TP73: variants seen among roughly 807,000 people sequenced by gnomAD.
The protein encoded by TP73 is tumor protein p73, also known as p53-like transcription factor.
TP73 carries 25 observed loss-of-function variants against 62.5 expected under a neutral mutation model. The observed-to-expected ratio is 0.40, with a 90% CI of 0.29 to 0.56. The LOEUF (loss-of-function observed/expected upper bound fraction) is 0.56. Among genes scored for constraint, TP73 ranks in the 20% least tolerant of loss-of-function variants. The pLI, the probability that TP73 is intolerant of heterozygous loss-of-function variation, is 0.46. For synonymous variants in TP73, 423 were observed against 377.5 expected (o/e 1.12, Z -1.40); for missense variants, 754 against 913.3 (o/e 0.83, Z 2.25).
chr1:3,671,857 C>G (rs774357831), intron 1 of TP73, among the ~76,000 whole-genome samples: 1 of 152,090 alleles, frequency 6.6e-6, no homozygotes, highest in Non-Finnish European at 1.5e-5. Context: ...GGTGGACCCC[C>G]GTGATCGCTG....
rs544764255 is a variant in TP73 at position 3,730,301 on chromosome 1, G to A, written c.1345+153G>A. Among the ~76,000 whole-genome samples the A allele has an allele frequency of 2.0e-5, 3 of 152,350 alleles. No homozygotes were observed. In the East Asian group the frequency reaches 5.8e-4, roughly 29 times the overall value. On this transcript the variant is annotated intron_variant, in intron 11 of 13. Transcript: ENST00000378295. ...TTCCACCCTCTGGGCAGGAGGCGCA[G>A]CCACGGATAGCCCTCTCTGCCCACT...
chr1:3,679,437 G>A (rs1645456342), intron 1 of TP73, among the ~76,000 whole-genome samples: 1 of 152,016 alleles, frequency 6.6e-6, no homozygotes, highest in African/African-American at 2.4e-5. Context: ...CTTTCCCTCT[G>A]TTTCTCTGTC....
chr1:3,721,362 C>A (rs1381552212), intron 4 of TP73, among the ~76,000 whole-genome samples: 1 of 152,210 alleles, frequency 6.6e-6, no homozygotes, highest in Admixed American at 6.5e-5. Context: ...CCCAGAGGGG[C>A]CCCCAGAGTG....
intron 4 of TP73, among the ~76,000 whole-genome samples, chr1:3,709,344 C>T (rs72846536): frequency 1.3e-5 from 2 of 152,172 alleles, no homozygotes; most frequent in Non-Finnish European, 2.9e-5. Context: ...CAGGCAATGC[C>T]GACCCCAGTG....
chr1:3,663,190 G>T lies in TP73; in HGVS notation c.-34+10549G>T, dbSNP rs1418722176. ...GGGGCCTCTCTTCTTCACGAGGCTGGTGGCTGCGGCACCTACAAAGACAGG... is the reference window on the plus strand; with the variant it reads ...GGGGCCTCTCTTCTTCACGAGGCTGTTGGCTGCGGCACCTACAAAGACAGG... On this transcript the variant is annotated intron_variant, in intron 1 of 13. Coordinates refer to ENST00000378295, the MANE Select transcript of TP73 (RefSeq NM_005427.4). The surrounding 1 kb of genome is among the most constrained non-coding windows in gnomAD (Gnocchi z 4.7). 6.6e-6 allele frequency among the ~76,000 whole-genome samples: 1 copy of T among 152,174 alleles called. No homozygotes were observed. Among genetic ancestry groups the T allele is most frequent in the Admixed American group, 6.5e-5 (1 of 15,278 alleles).
chr1:3,698,122 G>A lies in TP73; in HGVS notation c.187-9427G>A, dbSNP rs182500276. 1,018 of 985,620 alleles carry A rather than the reference G, an allele frequency of 1.0e-3. 14 individuals are homozygous for A. The African/African-American group carries it at 0.016, about 16-fold the overall frequency. The allele number at this position is 985,620 out of a possible 1,614,324, so 61.1% of individuals were successfully genotyped here. The stretch of plus-strand genomic sequence containing the variant: ...TCCAGCACAGCAGGAGGCTGTTACA[G>A]GTGGCGCCTGATTCACATCTGCAGG... On this transcript the variant is annotated intron_variant, in intron 3 of 13. Transcript: ENST00000378295.
Position 3,701,456 on chromosome 1 carries a change from T to G in TP73, c.187-6093T>G, listed in dbSNP as rs1010949793. Among the ~76,000 whole-genome samples the G allele has an allele frequency of 2.0e-5, 3 of 152,112 alleles. No individual in the cohort carries two copies. The highest frequency in any genetic ancestry group is 4.8e-5 in the African/African-American group (2 of 41,410). ...CGATGAAGTCTCAGGTTACCATACTTCTGGACCCTCTTGATCCCCACAACC... is the reference window on the plus strand; with the variant it reads ...CGATGAAGTCTCAGGTTACCATACTGCTGGACCCTCTTGATCCCCACAACC... On this transcript the variant is annotated intron_variant, in intron 3 of 13. Transcript: ENST00000378295. This position sits in a 1 kb window ranked among gnomAD's most constrained non-coding sequence, Gnocchi z 4.7.
At chr1:3,694,881 CTGCAA>C (rs1638478365) in intron 3 of TP73, among the ~76,000 whole-genome samples, 1 of 148,734 alleles carries the variant, frequency 6.7e-6, no homozygotes, top group African/African-American at 2.5e-5. Context: ...GCCCCTCCTC[CTGCAA>C]TCCCACCCAT....
chr1:3,690,961 A>G (rs1645805949), intron 3 of TP73: 1 of 1,573,662 alleles, frequency 6.4e-7, no homozygotes, highest in East Asian at 2.4e-5. Flanking sequence ...GTGACGCGCC[A>G]TTCATAGGAT....
chr1:3,731,034 C>A lies in TP73; in HGVS notation c.1453C>A (p.Pro485Thr), dbSNP rs1202475331. ...CTCGGGGTCCCACTGCACTCCGCCA[C>A]CCCCCTACCACGCCGACCCCAGCCT... ...MVSGSHCTPPPPYHADPSLVS... is the reference protein window; with the variant it reads ...MVSGSHCTPPTPYHADPSLVS... Residue 485 changes from proline to threonine, a missense_variant, in exon 12 of 14, where the codon CCC (proline) becomes ACC (threonine). Pro to Thr is a conservative substitution (Grantham distance 38). Transcript: ENST00000378295. The A allele has an allele frequency of 2.5e-6, 4 of 1,612,118 alleles. No homozygotes were observed. The highest frequency in any genetic ancestry group is 2.7e-5 in the African/African-American group (2 of 75,022).
intron 1 of TP73, among the ~76,000 whole-genome samples, chr1:3,678,696 C>G (rs1172184406): frequency 6.6e-6 from 1 of 152,224 alleles, no homozygotes; most frequent in Admixed American, 6.5e-5. Context: ...AGTGGCAAGG[C>G]TGGCCCTCAT....
At chr1:3,654,602 T>C (rs72857321) in intron 1 of TP73, among the ~76,000 whole-genome samples, 9,877 of 152,262 alleles carry the variant, frequency 0.065, 1,015 homozygotes, top group African/African-American at 0.22. Flanking sequence ...TCCGAAGGGC[T>C]TGGGAGAGTG....
rs77976081 is a variant in TP73 at position 3,715,820 on chromosome 1, C to T, written c.430-6201C>T. 9.3e-3 allele frequency among the ~76,000 whole-genome samples: 1,413 copies of T among 152,344 alleles called. 28 individuals carry two copies. The highest frequency in any genetic ancestry group is 0.033 in the African/African-American group (1,361 of 41,566). On this transcript the variant is annotated intron_variant, in intron 4 of 13. Coordinates refer to ENST00000378295, the MANE Select transcript of TP73 (RefSeq NM_005427.4). Reference sequence around the variant, plus strand: ...TCACTATGCACTGGAGACAAAGCCACCAAGTCTATCCTGGGCTCAGCACAT... The same window carrying T: ...TCACTATGCACTGGAGACAAAGCCATCAAGTCTATCCTGGGCTCAGCACAT...
chr1:3,727,206 T>C lies in TP73; in HGVS notation c.824T>C (p.Ile275Thr), dbSNP rs1240094541. 1 of 1,612,072 alleles carries C rather than the reference T, an allele frequency of 6.2e-7. No individual in the cohort carries two copies. The highest frequency in any genetic ancestry group is 1.1e-5 in the South Asian group (1 of 91,066). ...GMNRRPILIIITLEMRDGQVL... is the reference protein window; with the variant it reads ...GMNRRPILIITTLEMRDGQVL... ...AACCGGCGGCCCATCCTCATCATCA[T>C]CACCCTGGAGATGCGGGAGTGAGTC... The change falls in exon 7 of 14, where the codon ATC (isoleucine) becomes ACC (threonine). Residue 275 changes from isoleucine (I) to threonine (T), a missense_variant. This residue lies in a region of TP73 where 458 missense variants were observed against 528.7 expected (regional missense o/e 0.87). Transcript: ENST00000378295.
At chr1:3,698,783 C>T (rs1480948747) in intron 3 of TP73, among the ~76,000 whole-genome samples, 1 of 152,186 alleles carries the variant, frequency 6.6e-6, no homozygotes, top group African/African-American at 2.4e-5. Context: ...CTGAAGTCAC[C>T]TGGGCGTGTG....
At chr1:3,680,977 T>G (rs913718772) in intron 1 of TP73, among the ~76,000 whole-genome samples, 1 of 152,232 alleles carries the variant, frequency 6.6e-6, no homozygotes, top group African/African-American at 2.4e-5. Flanking sequence ...ACTTAACCCC[T>G]CTGAGCCTTG....
At chr1:3,682,568 C>A in intron 2 of TP73, 138 bp downstream of exon 2, 1 of 834,080 alleles carries the variant, frequency 1.2e-6, no homozygotes, top group Non-Finnish European at 1.7e-6. Context: ...CCCAGCCACC[C>A]TCACTGAGAC....
Position 3,663,220 on chromosome 1 carries a change from C to T in TP73, c.-34+10579C>T, listed in dbSNP as rs1433012787. Among the ~76,000 whole-genome samples the T allele has an allele frequency of 6.6e-6, 1 of 152,126 alleles. No individual in the cohort carries two copies. The highest frequency in any genetic ancestry group is 1.5e-5 in the Non-Finnish European group (1 of 68,034). ...TGCGGCACCTACAAAGACAGGTTAA[C>T]AAGAGGACCCTCTGCCTATCACGAG... On this transcript the variant is annotated intron_variant, in intron 1 of 13. Coordinates refer to ENST00000378295, the MANE Select transcript of TP73 (RefSeq NM_005427.4). This position sits in a 1 kb window ranked among gnomAD's most constrained non-coding sequence, Gnocchi z 4.7.
chr1:3,690,244 G>C (rs1645776916), intron 3 of TP73, among the ~76,000 whole-genome samples: 1 of 152,152 alleles, frequency 6.6e-6, no homozygotes, highest in Admixed American at 6.5e-5. Context: ...GTCTAGGGTC[G>C]AACCTCCTGT....
Sources: allele counts gnomAD v4.1 joint callset (sites outside exome capture counted in the v4.1 genomes callset), GRCh38; gene constraint gnomAD v4.1.1; regional missense constraint gnomAD v4.1.1; non-coding constraint Gnocchi (gnomAD v3.1); transcripts MANE v1.5; gene names NCBI Gene and HGNC (gene_info 2026-07-23, HGNC 2026-07-21).